Variants in SHROOM3 observed in about 807,000 individuals in gnomAD.
SHROOM3 encodes shroom family member 3, also known as protein Shroom3.
In SHROOM3, 47 loss-of-function variants were observed where a neutral mutation model predicts 138.6. The ratio of observed to expected loss-of-function variants is 0.34; its 90% CI spans 0.27 to 0.43. The LOEUF (loss-of-function observed/expected upper bound fraction) is 0.43, where lower values mean the gene tolerates loss of function less well. Ranked by LOEUF, SHROOM3 falls within the 20% of genes least tolerant of loss-of-function variation. The pLI is 1.00. For missense variants in SHROOM3, 2,491 were observed against 2,596.5 expected (o/e 0.96, Z 0.88); for synonymous variants, 1,062 against 1,063.3 (o/e 1.00, Z 0.02).
intron 9 of SHROOM3, among the ~76,000 whole-genome samples, chr4:76,763,013 G>C (rs1722034444): frequency 6.6e-6 from 1 of 152,116 alleles, no homozygotes; most frequent in Non-Finnish European, 1.5e-5. Context: ...AAAAAGCATG[G>C]AATGTGTATG....
In SHROOM3 at chr4:76,740,468, C is replaced by A; in HGVS notation, c.2295C>A (p.Ser765Arg). ...SLGRRGPGPG[S>R]ASALQGFQYG... ...GCCGGAGGGGGCCCGGCCCAGGCAG[C>A]GCCTCGGCTCTTCAGGGCTTTCAGT... The change falls in exon 5 of 11, where the codon AGC (serine) becomes AGA (arginine). Residue 765 changes from serine (S) to arginine (R), a missense_variant. Physicochemically the swap from Ser to Arg is moderately radical, Grantham distance 110 (BLOSUM62 -1). This residue lies in a region of SHROOM3 where 1,733 missense variants were observed against 1,661.6 expected (regional missense o/e 1.04). Coordinates refer to ENST00000296043, the MANE Select transcript of SHROOM3 (RefSeq NM_020859.4). The surrounding 1 kb of genome is among the most constrained non-coding windows in gnomAD (Gnocchi z 4.0). 1 of 1,611,682 alleles carries A rather than the reference C, an allele frequency of 6.2e-7. No individual in the cohort carries two copies. Among genetic ancestry groups the A allele is most frequent in the Non-Finnish European group, 8.5e-7 (1 of 1,178,642 alleles).
intron 9 of SHROOM3, among the ~76,000 whole-genome samples, chr4:76,769,464 CAGTAGACAATA>C (rs1208911407): frequency 3.3e-5 from 5 of 152,080 alleles, no homozygotes; most frequent in Non-Finnish European, 7.4e-5. Context: ...GCAAAAGAAG[CAGTAGACAATA>C]TAAATGAATT....
intron 3 of SHROOM3, among the ~76,000 whole-genome samples, chr4:76,726,888 T>C (rs1720719809): frequency 6.6e-6 from 1 of 152,174 alleles, no homozygotes; most frequent in Admixed American, 6.5e-5. Context: ...TATCACTTTC[T>C]ATTTCTCTTG....
chr4:76,651,357 T>C (rs1394116943), intron 2 of SHROOM3, among the ~76,000 whole-genome samples: 1 of 144,944 alleles, frequency 6.9e-6, no homozygotes, highest in Non-Finnish European at 1.5e-5. Context: ...GATGTAGTTA[T>C]TTCACATTGC....
chr4:76,662,508 T>G (rs978593101), intron 2 of SHROOM3, among the ~76,000 whole-genome samples: 2 of 152,218 alleles, frequency 1.3e-5, no homozygotes, highest in African/African-American at 4.8e-5. Flanking sequence ...CAAACCTACC[T>G]GGATAATCTC....
chr4:76,713,148 G>A (rs1005947182), intron 3 of SHROOM3, among the ~76,000 whole-genome samples: 2 of 152,188 alleles, frequency 1.3e-5, no homozygotes, highest in Admixed American at 6.5e-5. Flanking sequence ...CTGAGGCTAC[G>A]CCAAATTTAT....
chr4:76,708,378 A>G (rs1720125436), intron 2 of SHROOM3, among the ~76,000 whole-genome samples: 1 of 124,444 alleles, frequency 8.0e-6, no homozygotes, highest in Non-Finnish European at 1.7e-5. Flanking sequence ...TGCCCAAGAC[A>G]TTGTGCAAAA....
At chr4:76,514,530 G>A (rs1732404868) in intron 1 of SHROOM3, among the ~76,000 whole-genome samples, 1 of 152,098 alleles carries the variant, frequency 6.6e-6, no homozygotes, top group South Asian at 2.1e-4. Context: ...GTGGATATGA[G>A]GTCTCTTTTG....
chr4:76,770,478 G>A (rs1467271446), intron 9 of SHROOM3, 148 bp from the exon 10 acceptor site: 13 of 784,688 alleles, frequency 1.7e-5, no homozygotes, highest in African/African-American at 5.2e-5. Flanking sequence ...GGCTATTATG[G>A]CATAATATTG....
intron 5 of SHROOM3, among the ~76,000 whole-genome samples, chr4:76,746,910 G>A (rs1055765830): frequency 2.0e-5 from 3 of 151,500 alleles, no homozygotes; most frequent in East Asian, 1.9e-4. Flanking sequence ...TTTGCCTCCC[G>A]GGTTCACGCC....
At chr4:76,444,224 A>C (rs1011338766) in intron 1 of SHROOM3, among the ~76,000 whole-genome samples, 2 of 151,628 alleles carry the variant, frequency 1.3e-5, no homozygotes, top group Non-Finnish European at 1.5e-5. Context: ...CTAAACCTTT[A>C]TTTTTGAATG....
intron 4 of SHROOM3, 103 bp from the exon 5 acceptor site, chr4:76,738,658 C>T: frequency 7.0e-7 from 1 of 1,428,568 alleles, no homozygotes; most frequent in Non-Finnish European, 9.8e-7. Flanking sequence ...TTCCAAACAC[C>T]AAACCTCTTG....
intron 1 of SHROOM3, among the ~76,000 whole-genome samples, chr4:76,460,827 C>CAAAAAAAAAAAAAAAAAAAAAAAAAA (rs58793404): frequency 3.8e-5 from 3 of 78,770 alleles, no homozygotes; most frequent in Non-Finnish European, 4.9e-5. Flanking sequence ...CCCGTATCTA[C>CAAAAAAAAAAAAAAAAAAAAAAAAAA]AAAAAAAAAA....
intron 6 of SHROOM3, among the ~76,000 whole-genome samples, chr4:76,751,511 A>G (rs979858612): frequency 1.3e-5 from 2 of 152,214 alleles, no homozygotes; most frequent in Admixed American, 1.3e-4. Context: ...TCATTATTAT[A>G]TACTTCTTTC....
chr4:76,613,172 C>G (rs1734799758), intron 2 of SHROOM3, among the ~76,000 whole-genome samples: 1 of 152,148 alleles, frequency 6.6e-6, no homozygotes, highest in African/African-American at 2.4e-5. Flanking sequence ...TCAAATATCC[C>G]TAACTCCCAC....
intron 2 of SHROOM3, among the ~76,000 whole-genome samples, chr4:76,620,217 G>A (rs983791547): frequency 3.9e-5 from 6 of 152,080 alleles, no homozygotes; most frequent in African/African-American, 1.4e-4. Flanking sequence ...AGACAGTCTG[G>A]GACTTTTTTG....
intron 2 of SHROOM3, among the ~76,000 whole-genome samples, chr4:76,676,566 A>G (rs1719032191): frequency 6.6e-6 from 1 of 152,178 alleles, no homozygotes; most frequent in African/African-American, 2.4e-5. Context: ...AGAAAGGAAT[A>G]TATTTTGCAG....
At chr4:76,539,809 G>T (rs939204123) in intron 1 of SHROOM3, among the ~76,000 whole-genome samples, 5 of 152,118 alleles carry the variant, frequency 3.3e-5, no homozygotes, top group African/African-American at 1.2e-4. Flanking sequence ...ATTGTGTGGG[G>T]GTTGCAAGTG....
chr4:76,547,932 A>AAAACACACACACACACAC (rs1733259032), intron 1 of SHROOM3, among the ~76,000 whole-genome samples: 1 of 146,074 alleles, frequency 6.8e-6, no homozygotes, highest in East Asian at 2.1e-4. Flanking sequence ...CCTGTCTCAA[A>AAAACACACACACACACAC]ACACACACAC....
Sources: allele counts gnomAD v4.1 joint callset (sites outside exome capture counted in the v4.1 genomes callset), GRCh38; gene constraint gnomAD v4.1.1; regional missense constraint gnomAD v4.1.1; non-coding constraint Gnocchi (gnomAD v3.1); transcripts MANE v1.5; gene names NCBI Gene and HGNC (gene_info 2026-07-23, HGNC 2026-07-21).